The following PCDHGB5 variants were observed in gnomAD, a reference collection of about 807,000 sequenced individuals.
PCDHGB5 encodes protocadherin gamma subfamily B, 5, also known as protocadherin gamma-B5.
PCDHGB5 carries 48 observed loss-of-function variants against 62.9 expected under a neutral mutation model. That is an observed-to-expected ratio of 0.76 (90% CI 0.61 to 0.97). The LOEUF (loss-of-function observed/expected upper bound fraction) is 0.97. Among genes scored for constraint, PCDHGB5 ranks in the 50% least tolerant of loss-of-function variants. PCDHGB5 has a pLI of 0.00. For missense variants in PCDHGB5, 1,118 were observed against 1,198.6 expected (o/e 0.93, Z 0.99); for synonymous variants, 474 against 511.2 (o/e 0.93, Z 0.98).
rs1296142784 is a variant in PCDHGB5 at position 141,431,302 on chromosome 5, C to T, written c.2397+30778C>T. ...GCCCGAACACTCACTTCTCCCTCAT[C>T]GTGCAAAATGGAGCCGACGGTAGTA... is the stretch of plus-strand genomic sequence containing the variant. On this transcript the variant is annotated intron_variant, in intron 1 of 3. Coordinates refer to ENST00000617380, the MANE Select transcript of PCDHGB5 (RefSeq NM_018925.3). This position sits in a 1 kb window ranked among gnomAD's most constrained non-coding sequence, Gnocchi z 4.8. 2 of 1,614,028 alleles carry T rather than the reference C, an allele frequency of 1.2e-6. No individual in the cohort carries two copies. Among genetic ancestry groups the T allele is most frequent in the African/African-American group, 1.3e-5 (1 of 74,946 alleles).
Position 141,421,488 on chromosome 5 carries a change from G to A in PCDHGB5, c.2397+20964G>A. On this transcript the variant is annotated intron_variant, in intron 1 of 3. Transcript: ENST00000617380. ...ATCCGCGAAGCGGCAGCTTGATCAC[G>A]GCAGGCAGGATAGACCGGGAGGAGC... The A allele has an allele frequency of 1.9e-6, 3 of 1,614,100 alleles. No homozygotes were observed. In the South Asian group the frequency reaches 3.3e-5, roughly 18 times the overall value.
rs779656906 is a variant in PCDHGB5 at position 141,476,872 on chromosome 5, C to T, written c.2398-17935C>T. On this transcript the variant is annotated intron_variant, in intron 1 of 3. Transcript: ENST00000617380. The surrounding 1 kb of genome is among the most constrained non-coding windows in gnomAD (Gnocchi z 7.6). ...TCAACCAGTCCTTGTACCGGGCGCG[C>T]GTCCTGGAGGATGCACCCTCCGGCA... 1.6e-4 allele frequency: 254 copies of T among 1,613,734 alleles called. No individual in the cohort carries two copies. The highest frequency in any genetic ancestry group is 2.1e-4 in the Non-Finnish European group (248 of 1,180,054).
intron 1 of PCDHGB5, among the ~76,000 whole-genome samples, chr5:141,482,832 G>A (rs2099573281): frequency 6.6e-6 from 1 of 152,188 alleles, no homozygotes; most frequent in Non-Finnish European, 1.5e-5. Flanking sequence ...AGCACTTTGG[G>A]AGGCCAAGGT....
chr5:141,451,523 A>G (rs1035983001), intron 1 of PCDHGB5, among the ~76,000 whole-genome samples: 1 of 152,200 alleles, frequency 6.6e-6, no homozygotes, highest in African/African-American at 2.4e-5. Flanking sequence ...AGAGCAAGTA[A>G]AGGAGAGTGC....
At chr5:141,494,364 G>A (rs1461560857) in intron 1 of PCDHGB5, among the ~76,000 whole-genome samples, 1 of 152,202 alleles carries the variant, frequency 6.6e-6, no homozygotes, top group African/African-American at 2.4e-5. Context: ...TGCAGAGGAT[G>A]CTTTGTTCCC....
Position 141,399,972 on chromosome 5 carries a change from G to A in PCDHGB5, c.1845G>A (p.Leu615=). ...CTAGCGAGCCCGGGCTCTTCAGCCT[G>A]GGGCTGCGCACAGGAGAGGTGCGCA... is the stretch of plus-strand genomic sequence containing the variant. The part of the protein sequence containing the change: ...LQASEPGLFS[L]GLRTGEVRTA... Residue 615 remains leucine (L), a synonymous_variant, in exon 1 of 4, where the codon CTG becomes CTA. Coordinates refer to ENST00000617380, the MANE Select transcript of PCDHGB5 (RefSeq NM_018925.3). 6.2e-7 allele frequency: 1 copy of A among 1,612,256 alleles called. No homozygotes were observed.
chr5:141,421,879 G>T (rs1458461652), intron 1 of PCDHGB5: 1 of 1,613,746 alleles, frequency 6.2e-7, no homozygotes, highest in Non-Finnish European at 8.5e-7. Context: ...AGCTTTAGAT[G>T]GAGGCGATCC....
chr5:141,450,977 A>G (rs2098702822), intron 1 of PCDHGB5, among the ~76,000 whole-genome samples: 1 of 151,760 alleles, frequency 6.6e-6, no homozygotes, highest in African/African-American at 2.4e-5. Context: ...GGCATGTGCC[A>G]CCACACCCGG....
intron 1 of PCDHGB5, among the ~76,000 whole-genome samples, chr5:141,435,286 A>G (rs1179151461): frequency 6.6e-6 from 1 of 152,194 alleles, no homozygotes; most frequent in Non-Finnish European, 1.5e-5. Context: ...CAGTATCCCA[A>G]GTCATTTCAT....
At chr5:141,479,200 AAAGT>A (rs1430087636) in intron 1 of PCDHGB5, 5 of 152,466 alleles carry the variant, frequency 3.3e-5, no homozygotes, top group African/African-American at 1.2e-4. Flanking sequence ...AAAATACAGA[AAAGT>A]ATTTAAAAAA....
chr5:141,481,736 G>A (rs569415213), intron 1 of PCDHGB5, among the ~76,000 whole-genome samples: 23 of 151,934 alleles, frequency 1.5e-4, no homozygotes, highest in African/African-American at 4.3e-4. Flanking sequence ...GGCGGATCAC[G>A]AGGTCAGGAG....
intron 3 of PCDHGB5, among the ~76,000 whole-genome samples, chr5:141,509,745 T>C (rs1456852988): frequency 6.6e-6 from 1 of 152,186 alleles, no homozygotes; most frequent in East Asian, 1.9e-4. Context: ...TCTGAGCCTG[T>C]GCCTAAAGTG....
chr5:141,446,353 T>C (rs1278613929), intron 1 of PCDHGB5, among the ~76,000 whole-genome samples: 2 of 152,176 alleles, frequency 1.3e-5, no homozygotes, highest in Non-Finnish European at 2.9e-5. Flanking sequence ...AAGCTACCAT[T>C]TGATGAGAAT....
At chr5:141,469,249 C>T (rs1025813940) in intron 1 of PCDHGB5, among the ~76,000 whole-genome samples, 1 of 152,026 alleles carries the variant, frequency 6.6e-6, no homozygotes, top group Non-Finnish European at 1.5e-5. Flanking sequence ...TGCACTCCAG[C>T]TTGGGCAACA....
chr5:141,434,010 T>C (rs772136259), intron 1 of PCDHGB5, among the ~76,000 whole-genome samples: 26 of 152,224 alleles, frequency 1.7e-4, no homozygotes, highest in Non-Finnish European at 3.1e-4. Flanking sequence ...TATATGTTTG[T>C]TTCTATGATT....
At position 141,486,045 on chromosome 5, in the gene PCDHGB5, A is replaced by G. The variant is rs2099623524; in HGVS notation, c.2398-8762A>G. The G allele has an allele frequency of 4.3e-6, 7 of 1,613,428 alleles. No individual in the cohort carries two copies. The highest frequency in any genetic ancestry group is 5.1e-6 in the Non-Finnish European group (6 of 1,179,858). ...GGTCATACCCCTGATCGTGTAAGAA[A>G]CCTCTTTAGCCTGCACCCCACTACT... On this transcript the variant is annotated intron_variant, in intron 1 of 3. Coordinates refer to ENST00000617380, the MANE Select transcript of PCDHGB5 (RefSeq NM_018925.3). This position sits in a 1 kb window ranked among gnomAD's most constrained non-coding sequence, Gnocchi z 5.0.
chr5:141,510,069 CCAGCAGAGTGCCTGG>C (rs994886462), intron 3 of PCDHGB5, among the ~76,000 whole-genome samples: 12 of 152,260 alleles, frequency 7.9e-5, no homozygotes, highest in Admixed American at 7.8e-4. Context: ...TGTGAAGCAT[CCAGCAGAGTGCCTGG>C]CACACAGTAG....
intron 1 of PCDHGB5, chr5:141,403,576 C>T (rs976638680): frequency 1.9e-6 from 3 of 1,613,946 alleles, no homozygotes; most frequent in Non-Finnish European, 2.5e-6. Context: ...CAACTGCCCA[C>T]CACCTGGTCC....
chr5:141,409,270 T>A (rs761773360), intron 1 of PCDHGB5: 6 of 1,613,996 alleles, frequency 3.7e-6, no homozygotes, highest in Non-Finnish European at 4.2e-6. Flanking sequence ...CTGATCAGAT[T>A]TTGGAGAATT....
Sources: gnomAD v4.1 joint callset for allele counts (sites outside exome capture counted in the v4.1 genomes callset) on GRCh38, gnomAD v4.1.1 for gene constraint, Gnocchi (gnomAD v3.1) non-coding constraint, MANE v1.5 for transcripts, NCBI Gene and HGNC (gene_info 2026-07-23, HGNC 2026-07-21) for gene names.